Variants in ROBO2 observed in about 807,000 individuals in gnomAD.
The protein encoded by ROBO2 is roundabout homolog 2.
In ROBO2, 53 loss-of-function variants were observed where a neutral mutation model predicts 160.8. The observed-to-expected ratio is 0.33, with a 90% confidence interval of 0.26 to 0.41. The LOEUF is 0.41. ROBO2 is among the 10% of genes least tolerant of loss of function. The pLI, the probability that ROBO2 is intolerant of heterozygous loss-of-function variation, is 1.00. For missense variants in ROBO2, 1,577 were observed against 1,722.4 expected (o/e 0.92, Z 1.49); for synonymous variants, 664 against 611.7 (o/e 1.09, Z -1.26).
intron 2 of ROBO2, among the ~76,000 whole-genome samples, chr3:77,177,660 C>T (rs1014495301): frequency 4.0e-5 from 6 of 151,756 alleles, no homozygotes; most frequent in African/African-American, 1.5e-4. Context: ...CAGATGGGGG[C>T]CATTGGATAT....
Position 76,786,431 on chromosome 3 carries a change from G to T in ROBO2, c.110-311583G>T, listed in dbSNP as rs373987190. On this transcript the variant is annotated intron_variant, in intron 2 of 26. Coordinates refer to the ROBO2 transcript ENST00000487694. ...CAGGAAACTTACAGTGATGGCAGAA[G>T]GTGAAGGGGAAGTAGGCATATCTTA... Among the ~76,000 whole-genome samples the T allele has an allele frequency of 2.2e-3, 335 of 151,478 alleles. 1 individual carries two copies. Among genetic ancestry groups the T allele is most frequent in the South Asian group, 0.013 (64 of 4,824 alleles).
chr3:77,544,832 G>T (rs116502086), intron 6 of ROBO2, among the ~76,000 whole-genome samples: 137 of 152,180 alleles, frequency 9.0e-4, no homozygotes, highest in African/African-American at 2.9e-3. Context: ...TAGATTATTA[G>T]AAAAGTCATG....
At chr3:76,243,690 A>G (rs1321766168) in intron 2 of ROBO2, among the ~76,000 whole-genome samples, 1 of 152,082 alleles carries the variant, frequency 6.6e-6, no homozygotes. Context: ...GCTCTTCACC[A>G]TTTCCCCTGT....
At chr3:77,214,105 C>A (rs951288397) in intron 2 of ROBO2, among the ~76,000 whole-genome samples, 1 of 152,096 alleles carries the variant, frequency 6.6e-6, no homozygotes, top group African/African-American at 2.4e-5. Context: ...CTGCTTGGTG[C>A]AGAGCTGAGT....
At chr3:76,492,199 G>GA (rs1330773409) in intron 2 of ROBO2, among the ~76,000 whole-genome samples, 2 of 152,054 alleles carry the variant, frequency 1.3e-5, no homozygotes, top group African/African-American at 4.8e-5. Context: ...TAGGCTCAGT[G>GA]ATAAAAGCAG....
intron 2 of ROBO2, among the ~76,000 whole-genome samples, chr3:77,034,140 AAGAG>A (rs779008780): frequency 6.6e-6 from 1 of 151,928 alleles, no homozygotes; most frequent in Admixed American, 6.6e-5. Context: ...GAAACTGTTT[AAGAG>A]AGAGAGCAAT....
intron 2 of ROBO2, among the ~76,000 whole-genome samples, chr3:77,355,172 C>G: frequency 9.0e-6 from 1 of 110,696 alleles, no homozygotes; most frequent in Admixed American, 8.5e-5. Context: ...TCAACCCTTC[C>G]TCCCATCCCC....
chr3:77,341,826 T>C (rs2153451439), intron 2 of ROBO2, among the ~76,000 whole-genome samples: 1 of 151,386 alleles, frequency 6.6e-6, no homozygotes, highest in Admixed American at 6.6e-5. Context: ...GTTATATGCA[T>C]ATTCTAATTA....
chr3:77,634,522 A>G lies in ROBO2; in HGVS notation c.3761-348A>G, dbSNP rs113888459. 363 of 260,508 alleles carry G rather than the reference A, an allele frequency of 1.4e-3. 3 individuals carry two copies. The highest frequency in any genetic ancestry group is 7.6e-3 in the African/African-American group (347 of 45,478). 16.1% of individuals were successfully genotyped at this position (260,508 alleles called of 1,614,324 possible). A position where few individuals can be genotyped will look rare whatever the true frequency, so the allele number is the denominator to read the frequency against. ...GCTTCTTTAATTTTAAGAAATAAAA[A>G]CTGCATGAATTTGCATATATCTTTG... On this transcript the variant is annotated intron_variant, in intron 23 of 25. Coordinates refer to ENST00000461745, the Ensembl canonical transcript of ROBO2.
intron 19 of ROBO2, among the ~76,000 whole-genome samples, chr3:77,598,348 A>C (rs899807849): frequency 2.0e-5 from 3 of 151,354 alleles, no homozygotes; most frequent in Non-Finnish European, 4.4e-5. Context: ...CAACTATGAG[A>C]AGGGGAACTC....
chr3:76,316,592 C>A (rs2072052687), intron 2 of ROBO2, among the ~76,000 whole-genome samples: 1 of 152,132 alleles, frequency 6.6e-6, no homozygotes, highest in Non-Finnish European at 1.5e-5. Context: ...TCAATTTGTA[C>A]AGTAGAGGTC....
chr3:76,084,038 A>T (rs1049583122), intron 2 of ROBO2, among the ~76,000 whole-genome samples: 1 of 152,138 alleles, frequency 6.6e-6, no homozygotes, highest in African/African-American at 2.4e-5. Flanking sequence ...GGGGAAAAAA[A>T]TCCATGCAGA....
chr3:76,872,929 C>T (rs2072272242), intron 2 of ROBO2, among the ~76,000 whole-genome samples: 1 of 151,896 alleles, frequency 6.6e-6, no homozygotes, highest in South Asian at 2.1e-4. Flanking sequence ...ACATGAAGAT[C>T]TTAAATGTAT....
At chr3:76,940,504 T>C (rs74842577) in intron 2 of ROBO2, among the ~76,000 whole-genome samples, 6,100 of 152,226 alleles carry the variant, frequency 0.04, 181 homozygotes, top group Non-Finnish European at 0.06. Context: ...TACTGGATGT[T>C]TTACCAAAAG....
At chr3:77,601,135 A>T (rs572867085) in intron 19 of ROBO2, among the ~76,000 whole-genome samples, 1 of 152,296 alleles carries the variant, frequency 6.6e-6, no homozygotes, top group East Asian at 1.9e-4. Flanking sequence ...ATATTTCTAT[A>T]AGAATTTTTA....
intron 2 of ROBO2, among the ~76,000 whole-genome samples, chr3:77,104,594 TAA>T (rs1305872357): frequency 6.6e-6 from 1 of 152,180 alleles, no homozygotes; most frequent in Non-Finnish European, 1.5e-5. Context: ...AGTTTATGCC[TAA>T]GAGTAGAATT....
At chr3:77,401,503 T>C (rs2153512228) in intron 2 of ROBO2, among the ~76,000 whole-genome samples, 1 of 152,292 alleles carries the variant, frequency 6.6e-6, no homozygotes, top group South Asian at 2.1e-4. Context: ...AAGACTATCC[T>C]ACCTCTTTAA....
chr3:77,645,746 T>C (rs940547197), intron 25 of ROBO2, among the ~76,000 whole-genome samples: 1 of 152,178 alleles, frequency 6.6e-6, no homozygotes, highest in African/African-American at 2.4e-5. Flanking sequence ...ATTATTAAGA[T>C]TCATTTATAA....
At chr3:76,071,057 G>T (rs1377352415) in intron 2 of ROBO2, among the ~76,000 whole-genome samples, 1 of 152,032 alleles carries the variant, frequency 6.6e-6, no homozygotes, top group Non-Finnish European at 1.5e-5. Flanking sequence ...TTTTAAATTT[G>T]GTCATAAGAT....
Sources: allele counts gnomAD v4.1 joint callset (sites outside exome capture counted in the v4.1 genomes callset), GRCh38; gene constraint gnomAD v4.1.1; transcripts MANE v1.5; gene names NCBI Gene and HGNC (gene_info 2026-07-23, HGNC 2026-07-21).